FAM178B: variants seen among roughly 807,000 people sequenced by gnomAD.
FAM178B encodes family with sequence similarity 178 member B, also known as protein FAM178B.
Under a neutral mutation model 91.7 loss-of-function variants are expected in FAM178B, and 82 were observed. That is an observed-to-expected ratio of 0.89 (90% CI 0.75 to 1.07). The LOEUF (loss-of-function observed/expected upper bound fraction) is 1.07, where lower values mean the gene tolerates loss of function less well. Among genes scored for constraint, FAM178B ranks in the 50% least tolerant of loss-of-function variants. The pLI is 0.00. For synonymous variants in FAM178B, 368 were observed against 359.4 expected (o/e 1.02, Z -0.27); for missense variants, 769 against 846.7 (o/e 0.91, Z 1.14).
chr2:96,927,461 G>C (rs755714492), intron 9 of FAM178B, among the ~76,000 whole-genome samples: 1 of 152,154 alleles, frequency 6.6e-6, no homozygotes, highest in Non-Finnish European at 1.5e-5. Flanking sequence ...ATGTTAAAAC[G>C]GTGTGTCTGG....
intron 16 of FAM178B, among the ~76,000 whole-genome samples, chr2:96,877,317 C>A (rs1574167469): frequency 6.6e-6 from 1 of 152,188 alleles, no homozygotes; most frequent in East Asian, 1.9e-4. Context: ...CAGACTTTTC[C>A]CTCTCCAGGG....
At chr2:96,894,527 C>G (rs1250182258) in intron 13 of FAM178B, among the ~76,000 whole-genome samples, 24 of 122,066 alleles carry the variant, frequency 2.0e-4, no homozygotes, top group African/African-American at 7.7e-4. Flanking sequence ...CAGACCCCCC[C>G]ACACATACCC....
chr2:96,929,143 A>T lies in FAM178B; in HGVS notation c.1193+63T>A, dbSNP rs1277804055. 7 of 1,155,378 alleles carry T rather than the reference A, an allele frequency of 6.1e-6. No individual in the cohort carries two copies. In the East Asian group the frequency reaches 1.5e-4, roughly 25 times the overall value. 71.6% of individuals were successfully genotyped at this position (1,155,378 alleles called of 1,614,324 possible). On this transcript the variant is annotated intron_variant, in intron 9 of 16. Coordinates refer to ENST00000490605, the MANE Select transcript of FAM178B (RefSeq NM_001122646.3). ...CCTGTATTCCAGTTCTGAGTGACAG[A>T]GAGAGACCCTGTCTCTTAAAAAATA...
chr2:96,881,382 C>T (rs887313378), intron 14 of FAM178B, among the ~76,000 whole-genome samples: 4 of 152,018 alleles, frequency 2.6e-5, no homozygotes, highest in South Asian at 2.1e-4. Flanking sequence ...TTATCAGGGC[C>T]GTCACTGAGG....
intron 5 of FAM178B, among the ~76,000 whole-genome samples, chr2:96,963,407 C>T (rs368582421): frequency 5.9e-5 from 9 of 152,208 alleles, no homozygotes; most frequent in East Asian, 1.9e-4. Context: ...GCCCTAAACA[C>T]GCTAATTAAA....
At chr2:96,925,084 GCAGGCTGGGCCTGCGC>G (rs2081412938) in intron 9 of FAM178B, among the ~76,000 whole-genome samples, 2 of 152,088 alleles carry the variant, frequency 1.3e-5, no homozygotes, top group Admixed American at 1.3e-4. Flanking sequence ...ACATCTGGGC[GCAGGCTGGGCCTGCGC>G]CAGTACGTGA....
chr2:96,936,561 G>A (rs1404868700), intron 8 of FAM178B, among the ~76,000 whole-genome samples: 1 of 149,562 alleles, frequency 6.7e-6, no homozygotes, highest in Non-Finnish European at 1.5e-5. Context: ...CCAGGCTGGA[G>A]TGCAATGGCA....
chr2:96,968,432 G>A (rs1464158216), intron 4 of FAM178B, among the ~76,000 whole-genome samples: 1 of 151,998 alleles, frequency 6.6e-6, no homozygotes, highest in Non-Finnish European at 1.5e-5. Context: ...CCCAGGCTGT[G>A]GAGAGAGCCC....
At chr2:96,933,253 A>T (rs550104334) in intron 8 of FAM178B, among the ~76,000 whole-genome samples, 24 of 146,432 alleles carry the variant, frequency 1.6e-4, no homozygotes, top group Admixed American at 1.1e-3. Flanking sequence ...ATAAAAAAAT[A>T]AAAAAAAAAA....
intron 6 of FAM178B, among the ~76,000 whole-genome samples, chr2:96,953,349 C>T (rs938399990): frequency 3.9e-5 from 6 of 152,194 alleles, no homozygotes; most frequent in African/African-American, 1.4e-4. Context: ...GGCAGAACCC[C>T]GACAAGGGCC....
At chr2:96,910,929 G>A (rs1019361844) in intron 12 of FAM178B, among the ~76,000 whole-genome samples, 11 of 151,658 alleles carry the variant, frequency 7.3e-5, no homozygotes, top group African/African-American at 1.9e-4. Context: ...CACAATGCCC[G>A]GCTAATTTTT....
rs572998442 is a variant in FAM178B at position 96,970,079 on chromosome 2, C to T, written c.626+637G>A. 1.1e-4 allele frequency among the ~76,000 whole-genome samples: 17 copies of T among 152,330 alleles called. No homozygotes were observed. In the East Asian group the frequency reaches 3.1e-3, roughly 28 times the overall value. ...GTGTGAACAACCTGCTCACATGCCACCAAAGAGCATGCCCCCATGAAGACG... is the reference window on the plus strand; with the variant it reads ...GTGTGAACAACCTGCTCACATGCCATCAAAGAGCATGCCCCCATGAAGACG... On this transcript the variant is annotated intron_variant, in intron 4 of 16. Transcript: ENST00000490605.
chr2:96,935,201 A>C (rs1241424507), intron 8 of FAM178B, among the ~76,000 whole-genome samples: 2 of 152,230 alleles, frequency 1.3e-5, no homozygotes, highest in African/African-American at 2.4e-5. Flanking sequence ...CAAAAGAAAA[A>C]AACCCACCCG....
chr2:96,960,399 G>A lies in FAM178B; in HGVS notation c.776C>T (p.Pro259Leu), dbSNP rs564261050. Reference sequence around the variant, plus strand: ...CACAGTCTCACCTGGATGGACCGGCGGGATGGTCTGCAGGGACACTGAGTA... The same window carrying A: ...CACAGTCTCACCTGGATGGACCGGCAGGATGGTCTGCAGGGACACTGAGTA... ...EKYSVSLQTI[P>L]PVHPGETVFL... Residue 259 changes from proline to leucine, a missense_variant, in exon 6 of 17, where the codon CCG (proline) becomes CTG (leucine). Physicochemically the swap from Pro to Leu is moderately conservative, Grantham distance 98. Transcript: ENST00000490605. 2.0e-5 allele frequency: 31 copies of A among 1,551,560 alleles called. No individual in the cohort carries two copies. Among genetic ancestry groups the A allele is most frequent in the East Asian group, 1.7e-4 (7 of 40,912 alleles).
At chr2:96,890,202 G>C (rs954925337) in intron 14 of FAM178B, among the ~76,000 whole-genome samples, 1 of 152,128 alleles carries the variant, frequency 6.6e-6, no homozygotes, top group African/African-American at 2.4e-5. Flanking sequence ...TTGAACCTGG[G>C]AGGTGGAGGT....
intron 6 of FAM178B, among the ~76,000 whole-genome samples, chr2:96,954,921 C>T (rs1176010120): frequency 2.0e-5 from 3 of 152,164 alleles, no homozygotes; most frequent in South Asian, 2.1e-4. Flanking sequence ...CATGGTAGTG[C>T]ACACCTGTGG....
intron 1 of FAM178B, among the ~76,000 whole-genome samples, chr2:96,981,602 G>T (rs1270961835): frequency 6.6e-6 from 1 of 151,856 alleles, no homozygotes; most frequent in Non-Finnish European, 1.5e-5. Flanking sequence ...TCAGCCAGGC[G>T]TGGTGGTGGA....
At chr2:96,928,129 T>C (rs991113748) in intron 9 of FAM178B, among the ~76,000 whole-genome samples, 14 of 152,232 alleles carry the variant, frequency 9.2e-5, no homozygotes, top group African/African-American at 3.1e-4. Context: ...GAGCTCCCAC[T>C]TTCCATGCAG....
chr2:96,951,491 G>T lies in FAM178B; in HGVS notation c.888-7C>A. The T allele has an allele frequency of 3.9e-6, 6 of 1,550,146 alleles. No individual in the cohort carries two copies. Among genetic ancestry groups the T allele is most frequent in the Non-Finnish European group, 5.2e-6 (6 of 1,145,662 alleles). ...CTGTTGGGCTGGCGGGGAGCTGGGA[G>T]GCAGAGGGCTGAGGTTAGGGGAGGC... On this transcript the variant is annotated splice_region_variant and splice_polypyrimidine_tract_variant and intron_variant, in intron 6 of 16. Coordinates refer to ENST00000490605, the MANE Select transcript of FAM178B (RefSeq NM_001122646.3).
Sources: gnomAD v4.1 joint callset for allele counts (sites outside exome capture counted in the v4.1 genomes callset) on GRCh38, gnomAD v4.1.1 for gene constraint, MANE v1.5 for transcripts, NCBI Gene and HGNC (gene_info 2026-07-23, HGNC 2026-07-21) for gene names.